DLG2: variants seen among roughly 807,000 people sequenced by gnomAD.
The protein encoded by DLG2 is disks large homolog 2.
In DLG2, 45 loss-of-function variants were observed where a neutral mutation model predicts 132.5. That is an observed-to-expected ratio of 0.34 (90% CI 0.27 to 0.44). The LOEUF is 0.44. Among genes scored for constraint, DLG2 ranks in the 20% least tolerant of loss-of-function variants. The pLI is 1.00. For missense variants in DLG2, 1,045 were observed against 1,196.9 expected (o/e 0.87, Z 1.87); for synonymous variants, 424 against 419.6 (o/e 1.01, Z -0.13).
chr11:85,544,520 T>C (rs1328452064), intron 3 of DLG2, among the ~76,000 whole-genome samples: 8 of 152,232 alleles, frequency 5.3e-5, no homozygotes, highest in Admixed American at 3.9e-4. Context: ...TCTTTCCAAT[T>C]CTGGGAAAAA....
intron 14 of DLG2, among the ~76,000 whole-genome samples, chr11:83,937,260 C>T (rs2081644269): frequency 1.3e-5 from 2 of 152,066 alleles, no homozygotes; most frequent in Admixed American, 6.5e-5. Context: ...GTAATCCCAG[C>T]ACTTTGGGAG....
chr11:85,321,957 C>T (rs957036324), intron 3 of DLG2, among the ~76,000 whole-genome samples: 6 of 151,916 alleles, frequency 3.9e-5, no homozygotes, highest in Admixed American at 6.6e-5. Context: ...AAAAAGGGAT[C>T]GATGTTATAT....
chr11:85,305,608 G>T (rs2079887135), intron 3 of DLG2, among the ~76,000 whole-genome samples: 1 of 152,110 alleles, frequency 6.6e-6, no homozygotes, highest in Non-Finnish European at 1.5e-5. Flanking sequence ...CGCCTCCCGG[G>T]TTTACTCCAT....
chr11:84,709,578 T>C (rs2153757389), intron 6 of DLG2, among the ~76,000 whole-genome samples: 1 of 152,010 alleles, frequency 6.6e-6, no homozygotes, highest in South Asian at 2.1e-4. Context: ...GAGCTAATGG[T>C]TCAGTCACAA....
rs145623892 is a variant in DLG2 at position 85,090,013 on chromosome 11, T to C, written c.357+21648A>G. Among the ~76,000 whole-genome samples, 643 of 152,320 alleles carry C rather than the reference T, an allele frequency of 4.2e-3. 7 individuals are homozygous for C. The highest frequency in any genetic ancestry group is 0.013 in the African/African-American group (526 of 41,576). ...ATTTCTGACAAGTTTCATAAACACT[T>C]AGTAACCCCTATTTTGGGCATAATA... On this transcript the variant is annotated intron_variant, in intron 6 of 27. Transcript: ENST00000376104.
At chr11:85,166,884 T>A (rs1312248578) in intron 4 of DLG2, among the ~76,000 whole-genome samples, 3 of 152,192 alleles carry the variant, frequency 2.0e-5, no homozygotes, top group Non-Finnish European at 4.4e-5. Context: ...AATGTATTCA[T>A]CTTTTATATA....
chr11:85,427,347 A>G (rs10792814), intron 3 of DLG2, among the ~76,000 whole-genome samples: 21,943 of 152,224 alleles, frequency 0.14, 2,178 homozygotes, highest in Non-Finnish European at 0.22. Flanking sequence ...AGTTGAAATG[A>G]AGGAAAAAAT....
At chr11:83,860,910 C>T (rs1000398033) in intron 16 of DLG2, among the ~76,000 whole-genome samples, 3 of 152,262 alleles carry the variant, frequency 2.0e-5, no homozygotes, top group African/African-American at 7.2e-5. Context: ...ACTAGAGTTT[C>T]CCTGCACAAG....
At chr11:84,417,739 T>G (rs977332506) in intron 7 of DLG2, among the ~76,000 whole-genome samples, 1 of 152,174 alleles carries the variant, frequency 6.6e-6, no homozygotes, top group African/African-American at 2.4e-5. Context: ...TTCAAAACAA[T>G]GACAGAATTC....
intron 18 of DLG2, among the ~76,000 whole-genome samples, chr11:83,681,360 G>A (rs1285456118): frequency 3.3e-5 from 5 of 152,124 alleles, no homozygotes; most frequent in African/African-American, 7.2e-5. Flanking sequence ...GCAAATACCC[G>A]GAGCCCACCC....
At chr11:83,467,771 G>GTGTATATA (rs1283789103) in intron 25 of DLG2, among the ~76,000 whole-genome samples, 14 of 85,048 alleles carry the variant, frequency 1.6e-4, no homozygotes, top group Non-Finnish European at 2.7e-4. Context: ...AAAACTATAT[G>GTGTATATA]TATATATATA....
intron 6 of DLG2, among the ~76,000 whole-genome samples, chr11:84,593,055 G>T (rs1239221820): frequency 6.7e-6 from 1 of 149,932 alleles, no homozygotes; most frequent in Non-Finnish European, 1.5e-5. Flanking sequence ...GGAGATGGAG[G>T]TTGCAGTGAG....
intron 4 of DLG2, among the ~76,000 whole-genome samples, chr11:85,268,516 T>C (rs1260229220): frequency 3.3e-5 from 5 of 152,252 alleles, no homozygotes; most frequent in Non-Finnish European, 1.5e-5. Flanking sequence ...TCAGGACTTC[T>C]TGAGGCTGTG....
At chr11:83,818,892 G>A (rs756757901) in intron 17 of DLG2, among the ~76,000 whole-genome samples, 21 of 152,148 alleles carry the variant, frequency 1.4e-4, no homozygotes, top group Non-Finnish European at 5.9e-5. Context: ...CTGCCCAAAG[G>A]ACTTTAAAAC....
chr11:85,113,988 C>A (rs1458886686), intron 5 of DLG2, among the ~76,000 whole-genome samples: 1 of 151,914 alleles, frequency 6.6e-6, no homozygotes, highest in Non-Finnish European at 1.5e-5. Context: ...AACCACTAGA[C>A]TAGATGGTCT....
At chr11:83,939,025 G>T (rs1362602831) in intron 14 of DLG2, among the ~76,000 whole-genome samples, 2 of 152,132 alleles carry the variant, frequency 1.3e-5, no homozygotes, top group African/African-American at 2.4e-5. Flanking sequence ...ACATCAGCTG[G>T]CATTAGACTC....
chr11:83,877,461 C>T (rs545346400), intron 15 of DLG2, among the ~76,000 whole-genome samples: 48 of 152,138 alleles, frequency 3.2e-4, no homozygotes, highest in African/African-American at 1.1e-3. Flanking sequence ...ATTAGCTCAG[C>T]CCAAAATTAA....
chr11:85,108,236 T>A (rs117501280), intron 6 of DLG2, among the ~76,000 whole-genome samples: 22 of 152,068 alleles, frequency 1.4e-4, no homozygotes, highest in Non-Finnish European at 1.8e-4. Flanking sequence ...ATACAATCAT[T>A]CCAGAGTAGA....
chr11:83,879,780 G>A (rs2065695440), intron 15 of DLG2, among the ~76,000 whole-genome samples: 1 of 152,130 alleles, frequency 6.6e-6, no homozygotes, highest in Non-Finnish European at 1.5e-5. Context: ...TGCTTGGGAT[G>A]ACTCTTTCAT....
Sources: allele counts gnomAD v4.1 joint callset (sites outside exome capture counted in the v4.1 genomes callset), GRCh38; gene constraint gnomAD v4.1.1; transcripts MANE v1.5; gene names NCBI Gene and HGNC (gene_info 2026-07-23, HGNC 2026-07-21).